Variants in BRI3 observed in about 807,000 individuals in gnomAD.
BRI3 encodes the protein membrane protein BRI3.
In BRI3, 6 loss-of-function variants were observed where a neutral mutation model predicts 12.8. The ratio of observed to expected loss-of-function variants is 0.47; its 90% confidence interval spans 0.26 to 0.93. The LOEUF (loss-of-function observed/expected upper bound fraction) is 0.93. BRI3 is among the 40% of genes least tolerant of loss of function. BRI3 has a pLI of 0.15. For synonymous variants in BRI3, 91 were observed against 76.1 expected, an observed-to-expected ratio of 1.20 and a Z score of -1.02; for missense variants, 134 against 171.1, an observed-to-expected ratio of 0.78 and a Z score of 1.21.
chr7:98,314,765 G>T (rs892219407), downstream of BRI3, among the ~76,000 whole-genome samples: 1 of 152,088 alleles, frequency 6.6e-6, no homozygotes, highest in Non-Finnish European at 1.5e-5. Flanking sequence ...ATCTCAAATC[G>T]CCCAGGTGGG....
intron 1 of BRI3, 128 bp downstream of exon 1, chr7:98,282,065 C>G: frequency 1.6e-6 from 2 of 1,269,672 alleles, no homozygotes; most frequent in Non-Finnish European, 2.0e-6. Flanking sequence ...CCCGGGCTGG[C>G]TTCGGGACCC....
At chr7:98,313,792 C>CTCT (rs1179300343), downstream of BRI3, among the ~76,000 whole-genome samples, 3,378 of 132,934 alleles carry the variant, frequency 0.025, 133 homozygotes, top group African/African-American at 0.088. Flanking sequence ...CTAATTAAAA[C>CTCT]TTTTTTTTTT....
exon 2 of BRI3, chr7:98,308,028 G>C (rs777189869): frequency 2.3e-6 from 2 of 874,542 alleles, no homozygotes; most frequent in African/African-American, 3.3e-5. Flanking sequence ...AACTGACCCT[G>C]TCCTATTTCC....
downstream of BRI3, chr7:98,293,312 GTCATTAGACTATTAC>G (rs1800047106): frequency 6.0e-6 from 3 of 499,904 alleles, no homozygotes; most frequent in Non-Finnish European, 1.1e-5. Flanking sequence ...GGCTGAGCTG[GTCATTAGACTATTAC>G]TCATTTATCT....
chr7:98,286,260 C>T (rs1024072244), intron 2 of BRI3, among the ~76,000 whole-genome samples: 1 of 152,208 alleles, frequency 6.6e-6, no homozygotes, highest in African/African-American at 2.4e-5. Context: ...GCCCTGCTGC[C>T]AGCCCCCTCT....
chr7:98,308,361 G>T, exon 2 of BRI3: 1 of 445,256 alleles, frequency 2.2e-6, no homozygotes, highest in South Asian at 1.6e-5. Flanking sequence ...CATGCTGGCC[G>T]CTCAGCTTCT....
At chr7:98,294,958 CT>C (rs1005607517), downstream of BRI3, among the ~76,000 whole-genome samples, 2 of 152,224 alleles carry the variant, frequency 1.3e-5, no homozygotes, top group Admixed American at 1.3e-4. Context: ...GTTTAACACT[CT>C]TTCCTGCCTG....
intron 2 of BRI3, among the ~76,000 whole-genome samples, chr7:98,285,641 A>G (rs1799686446): frequency 1.3e-5 from 2 of 152,154 alleles, no homozygotes; most frequent in Admixed American, 1.3e-4. Context: ...CTGTGGGCCA[A>G]GTGGCACTGC....
At chr7:98,303,698 C>T (rs77092172), upstream of BRI3, among the ~76,000 whole-genome samples, 90 of 152,162 alleles carry the variant, frequency 5.9e-4, no homozygotes, top group East Asian at 0.014. Flanking sequence ...CCCAGAGGCA[C>T]GTTAGGGTTA....
chr7:98,304,076 C>G (rs2269965), upstream of BRI3: 1 of 1,095,284 alleles, frequency 9.1e-7, no homozygotes, highest in Non-Finnish European at 1.2e-6. Flanking sequence ...CCCTCCTCCC[C>G]GGGGACACCA....
intron 2 of BRI3, among the ~76,000 whole-genome samples, chr7:98,290,615 C>T (rs926950221): frequency 1.3e-5 from 2 of 152,234 alleles, no homozygotes; most frequent in Non-Finnish European, 2.9e-5. Context: ...TCTCCTGCCT[C>T]AGCCTCCCAA....
downstream of BRI3, chr7:98,312,237 G>A (rs1433608026): frequency 1.2e-6 from 2 of 1,613,118 alleles, no homozygotes; most frequent in Admixed American, 3.3e-5. Context: ...TGCCACCGAG[G>A]CAGCTTGGAA....
intron 2 of BRI3, among the ~76,000 whole-genome samples, chr7:98,285,519 G>A (rs755187623): frequency 2.6e-5 from 4 of 152,202 alleles, no homozygotes; most frequent in East Asian, 1.9e-4. Context: ...TGGGGGCAGC[G>A]GATGGGCCGG....
chr7:98,311,522 C>A (rs1800868091), downstream of BRI3, among the ~76,000 whole-genome samples: 2 of 150,930 alleles, frequency 1.3e-5, no homozygotes, highest in African/African-American at 2.4e-5. Context: ...GCCTGAGTGA[C>A]AGAGCAAGAC....
At chr7:98,289,671 G>A (rs1328541218) in intron 2 of BRI3, among the ~76,000 whole-genome samples, 1 of 152,220 alleles carries the variant, frequency 6.6e-6, no homozygotes, top group Non-Finnish European at 1.5e-5. Context: ...GGGCCCCCAG[G>A]AGGCCCAGAA....
intron 2 of BRI3, among the ~76,000 whole-genome samples, chr7:98,289,803 C>T (rs1584396850): frequency 6.6e-6 from 1 of 152,218 alleles, no homozygotes; most frequent in Non-Finnish European, 1.5e-5. Flanking sequence ...AGGAGCTGAG[C>T]TGAGCACTAG....
downstream of BRI3, chr7:98,293,538 C>G (rs1171573395): frequency 6.2e-7 from 1 of 1,613,624 alleles, no homozygotes. Context: ...ATGATGGGTG[C>G]CGAGCGATCA....
At position 98,289,888 on chromosome 7, in the gene BRI3, A is replaced by G. The variant is rs549953050; in HGVS notation, c.246-1223A>G. ...ATGATGATTTCAGGTCACTGAACCTAGGCTCACTGGCGCAGGATTTGAGGG... is the reference window on the plus strand; with the variant it reads ...ATGATGATTTCAGGTCACTGAACCTGGGCTCACTGGCGCAGGATTTGAGGG... On this transcript the variant is annotated intron_variant, in intron 2 of 2. Transcript: ENST00000297290. Among the ~76,000 whole-genome samples, 4 of 152,348 alleles carry G rather than the reference A, an allele frequency of 2.6e-5. No homozygotes were observed. The South Asian group carries it at 8.3e-4, about 32-fold the overall frequency.
downstream of BRI3, among the ~76,000 whole-genome samples, chr7:98,310,888 G>A (rs1471683357): frequency 6.6e-6 from 1 of 151,972 alleles, no homozygotes; most frequent in Non-Finnish European, 1.5e-5. Context: ...GTTTCACCAT[G>A]TTAGCCAGGC....
Sources: gnomAD v4.1 joint callset for allele counts (sites outside exome capture counted in the v4.1 genomes callset) on GRCh38, gnomAD v4.1.1 for gene constraint, MANE v1.5 for transcripts, NCBI Gene and HGNC (gene_info 2026-07-23, HGNC 2026-07-21) for gene names.